DPYSL5: variants seen among roughly 807,000 people sequenced by gnomAD.
DPYSL5 encodes the protein dihydropyrimidinase like 5, also known as dihydropyrimidinase-related protein 5.
Under a neutral mutation model 58.4 loss-of-function variants are expected in DPYSL5, and 9 were observed. That is an observed-to-expected ratio of 0.15 (90% CI 0.09 to 0.27). The LOEUF (loss-of-function observed/expected upper bound fraction) is 0.27. DPYSL5 is among the 10% of genes least tolerant of loss of function. The probability of loss-of-function intolerance (pLI) is 1.00; values close to 1 mark genes in which losing one functional copy is unlikely to be tolerated. For missense variants in DPYSL5, 499 were observed against 770.6 expected, an observed-to-expected ratio of 0.65 and a Z score of 4.17; for synonymous variants, 293 against 301.9, an observed-to-expected ratio of 0.97 and a Z score of 0.31.
At chr2:26,912,609 T>C (rs1487251734) in intron 2 of DPYSL5, among the ~76,000 whole-genome samples, 1 of 152,204 alleles carries the variant, frequency 6.6e-6, no homozygotes, top group Non-Finnish European at 1.5e-5. Flanking sequence ...CCACATTCCC[T>C]ATGCCACACA....
intron 2 of DPYSL5, among the ~76,000 whole-genome samples, chr2:26,902,799 A>G (rs1664191328): frequency 6.6e-6 from 1 of 152,178 alleles, no homozygotes; most frequent in Non-Finnish European, 1.5e-5. Flanking sequence ...CTTGTGGTAA[A>G]GAAGCCGGCC....
chr2:26,854,484 AAAAG>A (rs1447848148), intron 1 of DPYSL5, among the ~76,000 whole-genome samples: 1 of 152,156 alleles, frequency 6.6e-6, no homozygotes, highest in African/African-American at 2.4e-5. Flanking sequence ...CAACAACAAA[AAAAG>A]AAAGAAACCC....
chr2:26,911,193 ACTCTT>A (rs1290432505), intron 2 of DPYSL5, among the ~76,000 whole-genome samples: 2 of 146,958 alleles, frequency 1.4e-5, no homozygotes, highest in Non-Finnish European at 3.0e-5. Context: ...CTATTTGTGG[ACTCTT>A]CTCTTCTTTT....
At chr2:26,868,844 T>C (rs1425601344) in intron 1 of DPYSL5, among the ~76,000 whole-genome samples, 2 of 152,242 alleles carry the variant, frequency 1.3e-5, no homozygotes, top group Non-Finnish European at 2.9e-5. Context: ...CACTTCTATA[T>C]ACTAATTTGG....
chr2:26,889,921 T>C (rs561135748), intron 1 of DPYSL5, among the ~76,000 whole-genome samples: 1 of 152,112 alleles, frequency 6.6e-6, no homozygotes, highest in East Asian at 1.9e-4. Flanking sequence ...GCTGTAAGAA[T>C]AAGGTGCTAA....
intron 1 of DPYSL5, among the ~76,000 whole-genome samples, chr2:26,875,729 C>G (rs894796278): frequency 1.3e-5 from 2 of 152,064 alleles, no homozygotes; most frequent in Non-Finnish European, 2.9e-5. Flanking sequence ...CTACCAGGGA[C>G]TAGGAACCAA....
At chr2:26,912,834 G>A (rs891658397) in intron 2 of DPYSL5, among the ~76,000 whole-genome samples, 1 of 152,220 alleles carries the variant, frequency 6.6e-6, no homozygotes, top group Non-Finnish European at 1.5e-5. Flanking sequence ...TCAAGCCCAA[G>A]CCGCACTTAC....
Position 26,942,181 on chromosome 2 carries a change from GCACTAT to G in DPYSL5, c.1232+90_1232+95del. 1 of 1,567,066 alleles carries G rather than the reference GCACTAT, an allele frequency of 6.4e-7. No individual in the cohort carries two copies. The highest frequency in any genetic ancestry group is 8.6e-7 in the Non-Finnish European group (1 of 1,157,158). ...CAGATCTCCAAAAGCATATAATTTTGCACTATTTCTAGCACAAAATATGGCCCTGGC... is the reference window on the plus strand; with the variant it reads ...CAGATCTCCAAAAGCATATAATTTTGTTCTAGCACAAAATATGGCCCTGGC... On this transcript the variant is annotated intron_variant, in intron 10 of 12. Transcript: ENST00000288699. This position sits in a 1 kb window ranked among gnomAD's most constrained non-coding sequence, Gnocchi z 5.9.
Position 26,875,235 on chromosome 2 carries a change from C to A in DPYSL5, c.-4-23261C>A, listed in dbSNP as rs547588827. 3.3e-5 allele frequency among the ~76,000 whole-genome samples: 5 copies of A among 151,978 alleles called. No homozygotes were observed. The South Asian group carries it at 1.0e-3, about 32-fold the overall frequency. On this transcript the variant is annotated intron_variant, in intron 1 of 12. Transcript: ENST00000288699. ...AGGGTGGTGAAGGGACAGCTCATCACAGACACTGGAGAACCTGCATTCCAG... is the reference window on the plus strand; with the variant it reads ...AGGGTGGTGAAGGGACAGCTCATCAAAGACACTGGAGAACCTGCATTCCAG...
At chr2:26,916,759 G>A (rs865785462) in intron 2 of DPYSL5, among the ~76,000 whole-genome samples, 2 of 152,112 alleles carry the variant, frequency 1.3e-5, no homozygotes, top group Admixed American at 6.6e-5. Context: ...CTCTCCATCC[G>A]CATCGAGGAA....
At chr2:26,909,264 G>A (rs1260542986) in intron 2 of DPYSL5, among the ~76,000 whole-genome samples, 3 of 152,070 alleles carry the variant, frequency 2.0e-5, no homozygotes, top group Non-Finnish European at 2.9e-5. Context: ...ACTACTGTAA[G>A]AACGTTCTCA....
chr2:26,886,300 A>T (rs1306326623), intron 1 of DPYSL5, among the ~76,000 whole-genome samples: 1 of 152,204 alleles, frequency 6.6e-6, no homozygotes, highest in Non-Finnish European at 1.5e-5. Context: ...GAGAAGTAGG[A>T]CATGGTCAGA....
At chr2:26,857,314 A>T (rs556303263) in intron 1 of DPYSL5, among the ~76,000 whole-genome samples, 1 of 152,230 alleles carries the variant, frequency 6.6e-6, no homozygotes, top group Non-Finnish European at 1.5e-5. Flanking sequence ...AGGTGGACAG[A>T]TCACCTGAGG....
chr2:26,919,359 G>A (rs976750086), intron 2 of DPYSL5, among the ~76,000 whole-genome samples: 7 of 152,184 alleles, frequency 4.6e-5, no homozygotes, highest in Admixed American at 2.0e-4. Flanking sequence ...TAAATATACT[G>A]AGTTTTCTTA....
At chr2:26,863,295 C>A (rs972159251) in intron 1 of DPYSL5, among the ~76,000 whole-genome samples, 6 of 152,218 alleles carry the variant, frequency 3.9e-5, no homozygotes, top group Admixed American at 1.3e-4. Flanking sequence ...CATCCTCCCC[C>A]TTTAAGCTGG....
intron 1 of DPYSL5, among the ~76,000 whole-genome samples, chr2:26,850,373 C>A (rs1665720732): frequency 6.6e-6 from 1 of 152,132 alleles, no homozygotes; most frequent in Non-Finnish European, 1.5e-5. Context: ...ACGCACTCAG[C>A]CTCTCGCCCG....
chr2:26,901,686 A>G (rs1359971676), intron 2 of DPYSL5, among the ~76,000 whole-genome samples: 1 of 152,214 alleles, frequency 6.6e-6, no homozygotes, highest in African/African-American at 2.4e-5. Flanking sequence ...CGATTAGCCA[A>G]GAAAGAAGGA....
At chr2:26,916,135 G>A (rs536137656) in intron 2 of DPYSL5, among the ~76,000 whole-genome samples, 8 of 151,888 alleles carry the variant, frequency 5.3e-5, no homozygotes, top group African/African-American at 1.9e-4. Context: ...AACCTCCCCC[G>A]TTATTTATTT....
At chr2:26,936,708 T>A (rs990556989) in intron 8 of DPYSL5, among the ~76,000 whole-genome samples, 1 of 152,052 alleles carries the variant, frequency 6.6e-6, no homozygotes, top group Non-Finnish European at 1.5e-5. Flanking sequence ...TCCCAGCACT[T>A]TGGGAGGCGG....
Sources: gnomAD v4.1 joint callset for allele counts (sites outside exome capture counted in the v4.1 genomes callset) on GRCh38, gnomAD v4.1.1 for gene constraint, Gnocchi (gnomAD v3.1) non-coding constraint, MANE v1.5 for transcripts, NCBI Gene and HGNC (gene_info 2026-07-23, HGNC 2026-07-21) for gene names.